Variants in RGS6 observed in about 807,000 individuals in gnomAD.
RGS6 encodes regulator of G protein signaling 6, also known as regulator of G-protein signaling 6.
RGS6 carries 30 observed loss-of-function variants against 78.5 expected under a neutral mutation model. That is an observed-to-expected ratio of 0.38 (90% CI 0.29 to 0.52). RGS6 has a LOEUF of 0.52. Among genes scored for constraint, RGS6 ranks in the 20% least tolerant of loss-of-function variants. The probability of loss-of-function intolerance (pLI) is 0.85; values close to 1 mark genes in which losing one functional copy is unlikely to be tolerated. For missense variants in RGS6, 495 were observed against 609.7 expected (o/e 0.81, Z 1.98); for synonymous variants, 206 against 206.0 (o/e 1.00, Z 0.00).
At chr14:72,601,007 A>AGAGGAGGAG in the RGS6 span, among the ~76,000 whole-genome samples, 2 of 116,440 alleles carry the variant, frequency 1.7e-5, no homozygotes, top group East Asian at 2.4e-4. Context: ...AGGAGGGGGG[A>AGAGGAGGAG]GAGGAGGAGG....
the RGS6 span, among the ~76,000 whole-genome samples, chr14:71,898,674 AC>A: frequency 6.8e-6 from 1 of 147,486 alleles, no homozygotes; most frequent in Non-Finnish European, 1.5e-5. Context: ...TTTTCCTCCC[AC>A]CCCCCCGACA....
chr14:72,463,522 T>C (rs1372550231), intron 6 of RGS6, among the ~76,000 whole-genome samples: 1 of 152,246 alleles, frequency 6.6e-6, no homozygotes, highest in Non-Finnish European at 1.5e-5. Flanking sequence ...CTGCATTCCA[T>C]GCATGATAAC....
intron 2 of RGS6, among the ~76,000 whole-genome samples, chr14:72,240,747 CTGAAACATTTTCTACATGGTTTG>C (rs1392038698): frequency 6.6e-6 from 1 of 152,184 alleles, no homozygotes; most frequent in Non-Finnish European, 1.5e-5. Flanking sequence ...TCTCTCCTTA[CTGAAACATTTTCTACATGGTTTG>C]CAGCAGAAAT....
At chr14:72,156,290 C>G (rs927904805) in intron 2 of RGS6, among the ~76,000 whole-genome samples, 1 of 151,636 alleles carries the variant, frequency 6.6e-6, no homozygotes, top group Admixed American at 6.6e-5. Flanking sequence ...ACTAAAGATA[C>G]AAAAAATTAG....
intron 2 of RGS6, among the ~76,000 whole-genome samples, chr14:72,265,758 C>A (rs887695763): frequency 2.6e-5 from 4 of 152,180 alleles, no homozygotes; most frequent in Non-Finnish European, 4.4e-5. Flanking sequence ...ACATGTACAT[C>A]CCTACCTGAG....
At chr14:71,951,487 G>A (rs889178944) in intron 1 of RGS6, among the ~76,000 whole-genome samples, 5 of 152,124 alleles carry the variant, frequency 3.3e-5, no homozygotes, top group African/African-American at 1.2e-4. Flanking sequence ...GGGTTGATAG[G>A]TGCAGCAAAC....
At chr14:72,226,148 C>T (rs76272322) in intron 2 of RGS6, among the ~76,000 whole-genome samples, 1,605 of 152,230 alleles carry the variant, frequency 0.011, 23 homozygotes, top group African/African-American at 0.037. Context: ...CCATGTCCAC[C>T]CACTCCTTTG....
intron 2 of RGS6, among the ~76,000 whole-genome samples, chr14:72,034,490 A>G (rs11621780): frequency 0.13 from 19,735 of 151,548 alleles, 1,338 homozygotes; most frequent in East Asian, 0.17. Context: ...TTTGTATGTT[A>G]AGCCATCCTA....
chr14:71,957,909 G>GA (rs2092913275), intron 1 of RGS6, among the ~76,000 whole-genome samples: 1 of 151,994 alleles, frequency 6.6e-6, no homozygotes, highest in Non-Finnish European at 1.5e-5. Flanking sequence ...GAGACTACAG[G>GA]CAACGCACCA....
intron 2 of RGS6, among the ~76,000 whole-genome samples, chr14:72,165,103 C>A (rs2096906735): frequency 6.6e-6 from 1 of 152,170 alleles, no homozygotes; most frequent in Non-Finnish European, 1.5e-5. Context: ...AAGAAAGAGC[C>A]AGGAACCCTG....
At chr14:72,241,155 CA>C (rs55988416) in intron 2 of RGS6, among the ~76,000 whole-genome samples, 3,291 of 102,076 alleles carry the variant, frequency 0.032, 46 homozygotes, top group African/African-American at 0.081. Flanking sequence ...GACTCTGTCT[CA>C]AAAAAAAAAA....
intron 3 of RGS6, among the ~76,000 whole-genome samples, chr14:72,356,662 G>A (rs2152763221): frequency 6.6e-6 from 1 of 152,282 alleles, no homozygotes; most frequent in South Asian, 2.1e-4. Context: ...GGAGGTAATT[G>A]AATCATGGGG....
intron 15 of RGS6, among the ~76,000 whole-genome samples, chr14:72,527,927 A>G (rs2097138133): frequency 6.6e-6 from 1 of 152,220 alleles, no homozygotes; most frequent in South Asian, 2.1e-4. Flanking sequence ...AAAATAGGAT[A>G]CTTGAAAATC....
chr14:72,614,777 G>GAA, the RGS6 span, among the ~76,000 whole-genome samples: 30 of 96,058 alleles, frequency 3.1e-4, no homozygotes, highest in East Asian at 1.8e-3. Flanking sequence ...ACAAGCCTCA[G>GAA]AAAAAAAAAA....
intron 3 of RGS6, among the ~76,000 whole-genome samples, chr14:72,367,987 A>T (rs185105157): frequency 1.3e-4 from 20 of 152,356 alleles, no homozygotes; most frequent in Admixed American, 9.8e-4. Flanking sequence ...ACGATGTTCT[A>T]ACTGAATCTA....
At chr14:72,182,472 C>T (rs1026488297) in intron 2 of RGS6, among the ~76,000 whole-genome samples, 1 of 148,938 alleles carries the variant, frequency 6.7e-6, no homozygotes, top group East Asian at 2.0e-4. Context: ...CTTATATTTT[C>T]TATTAACTCC....
the RGS6 span, among the ~76,000 whole-genome samples, chr14:72,615,271 A>G: frequency 2.2e-4 from 34 of 152,260 alleles, no homozygotes; most frequent in Non-Finnish European, 4.0e-4. Context: ...ACAGACCCAA[A>G]GAGGAGACTA....
rs189584047 is a variant in RGS6, at chr14:71,948,398, T to G, written c.-21+15457T>G. 2.1e-4 allele frequency among the ~76,000 whole-genome samples: 32 copies of G among 152,322 alleles called. No individual in the cohort carries two copies. The East Asian group carries it at 6.2e-3, about 29-fold the overall frequency. On this transcript the variant is annotated intron_variant, in intron 1 of 17. Coordinates refer to ENST00000553525, the MANE Select transcript of RGS6 (RefSeq NM_001204424.2). ...GGCTCCTTCATCATCCCTGCAATTATAACCCTGCCATGATGTCATTTTTTG... is the reference window on the plus strand; with the variant it reads ...GGCTCCTTCATCATCCCTGCAATTAGAACCCTGCCATGATGTCATTTTTTG...
intron 2 of RGS6, among the ~76,000 whole-genome samples, chr14:72,324,154 T>C (rs1402297053): frequency 1.3e-5 from 2 of 152,148 alleles, no homozygotes; most frequent in Non-Finnish European, 2.9e-5. Flanking sequence ...CTCTATATCC[T>C]AACAACCAGG....
Sources: gnomAD v4.1 joint callset for allele counts (sites outside exome capture counted in the v4.1 genomes callset) on GRCh38, gnomAD v4.1.1 for gene constraint, MANE v1.5 for transcripts, NCBI Gene and HGNC (gene_info 2026-07-23, HGNC 2026-07-21) for gene names.